FBN2: variants seen among roughly 807,000 people sequenced by gnomAD.
FBN2 encodes fibrillin 2, also known as fibrillin-2.
Under a neutral mutation model 355.6 loss-of-function variants are expected in FBN2, and 105 were observed. The observed-to-expected ratio is 0.30, with a 90% CI of 0.25 to 0.35. The LOEUF (loss-of-function observed/expected upper bound fraction) is 0.35, where lower values mean the gene tolerates loss of function less well. Among genes scored for constraint, FBN2 ranks in the 10% least tolerant of loss-of-function variants. The pLI is 1.00. For synonymous variants in FBN2, 1,350 were observed against 1,301.2 expected (o/e 1.04, Z -0.81); for missense variants, 3,280 against 3,758.7 (o/e 0.87, Z 3.33).
chr5:128,485,925 C>A (rs1387259937), intron 5 of FBN2, among the ~76,000 whole-genome samples: 1 of 152,126 alleles, frequency 6.6e-6, no homozygotes, highest in Non-Finnish European at 1.5e-5. Flanking sequence ...AGATCCCTTT[C>A]TTAATTAAGA....
intron 59 of FBN2, among the ~76,000 whole-genome samples, chr5:128,275,407 A>G (rs1765367358): frequency 6.6e-6 from 1 of 151,336 alleles, no homozygotes; most frequent in African/African-American, 2.4e-5. Context: ...AACAATGTTC[A>G]GTTCACTAAA....
intron 8 of FBN2, among the ~76,000 whole-genome samples, chr5:128,405,300 C>T (rs1424382756): frequency 6.6e-6 from 1 of 152,136 alleles, no homozygotes; most frequent in African/African-American, 2.4e-5. Context: ...AGAGGGGGTA[C>T]TGCTGGCAAA....
At chr5:128,423,790 G>A (rs1158191827) in intron 7 of FBN2, among the ~76,000 whole-genome samples, 3 of 152,174 alleles carry the variant, frequency 2.0e-5, no homozygotes, top group African/African-American at 7.2e-5. Flanking sequence ...TTGTGCTGCA[G>A]TGTGGAGAAA....
chr5:128,503,212 T>G lies in FBN2; in HGVS notation c.628+16061A>C, dbSNP rs1755863024. ...ATGACTTTGATCCTCATTCACCTTCTGCCATGATTATGAGGCCTCCCAGAC... is the reference window on the plus strand; with the variant it reads ...ATGACTTTGATCCTCATTCACCTTCGGCCATGATTATGAGGCCTCCCAGAC... On this transcript the variant is annotated intron_variant, in intron 5 of 64. Transcript: ENST00000262464. Among the ~76,000 whole-genome samples the G allele has an allele frequency of 2.0e-5, 3 of 152,246 alleles. No individual in the cohort carries two copies. The South Asian group carries it at 6.2e-4, about 31-fold the overall frequency.
At position 128,338,120 on chromosome 5, in the gene FBN2, T is replaced by C. The variant is rs765793736; in HGVS notation, c.3475A>G (p.Ile1159Val). 1.2e-6 allele frequency: 2 copies of C among 1,613,954 alleles called. No individual in the cohort carries two copies. The highest frequency in any genetic ancestry group is 8.5e-7 in the Non-Finnish European group (1 of 1,179,876). Residue 1159 changes from isoleucine to valine, a missense_variant and splice_region_variant, in exon 27 of 65, where the codon ATT becomes GTT. Transcript: ENST00000262464. The stretch of plus-strand genomic sequence containing the variant: ...AGAGGGTTACGTTCACATTCGTCAA[T>C]GTCTGAAAGGTAAAAACGTGAGATC... Reference protein sequence around the residue: ...GFMMMKNCMDIDECERNPLLC... With the variant: ...GFMMMKNCMDVDECERNPLLC...
intron 16 of FBN2, among the ~76,000 whole-genome samples, chr5:128,368,918 G>A (rs1751856792): frequency 6.6e-6 from 1 of 151,656 alleles, no homozygotes; most frequent in Admixed American, 6.6e-5. Context: ...CTCCCAAAGT[G>A]CTGGGATTAC....
At chr5:128,496,865 C>T (rs1176184148) in intron 5 of FBN2, among the ~76,000 whole-genome samples, 1 of 151,446 alleles carries the variant, frequency 6.6e-6, no homozygotes, top group Non-Finnish European at 1.5e-5. Flanking sequence ...TTGCAAGATA[C>T]AACATCAATA....
At chr5:128,373,612 A>G (rs562166112) in intron 15 of FBN2, among the ~76,000 whole-genome samples, 2 of 152,338 alleles carry the variant, frequency 1.3e-5, no homozygotes, top group Admixed American at 1.3e-4. Context: ...CATGAAAAAT[A>G]GAGGGTATAC....
intron 6 of FBN2, among the ~76,000 whole-genome samples, chr5:128,461,304 T>A (rs983738384): frequency 6.6e-6 from 1 of 152,150 alleles, no homozygotes; most frequent in Non-Finnish European, 1.5e-5. Flanking sequence ...CACAATGAGA[T>A]ACCATCTCAC....
chr5:128,469,851 C>A (rs1030353763), intron 5 of FBN2, among the ~76,000 whole-genome samples: 1 of 152,160 alleles, frequency 6.6e-6, no homozygotes, highest in African/African-American at 2.4e-5. Context: ...TAATAGAAGA[C>A]AATCAGGATT....
chr5:128,303,033 C>A lies in FBN2; in HGVS notation c.5857G>T (p.Gly1953Ter). The A allele has an allele frequency of 6.2e-7, 1 of 1,613,074 alleles. No homozygotes were observed. The highest frequency in any genetic ancestry group is 8.5e-7 in the Non-Finnish European group (1 of 1,179,176). The change falls in exon 46 of 65, where the codon GGA becomes TGA. Residue 1953 changes from glycine to a stop codon, truncating the protein, a stop_gained. Coordinates refer to ENST00000262464, the MANE Select transcript of FBN2 (RefSeq NM_001999.4). LOFTEE classifies it high-confidence loss of function. ...CGNGTCKNTV[G>*]SYNCLCYPGF... ...GGGTAGCACAGACAGTTATAGGATC[C>A]AACGGTGTTTTTACAAGTTCCATTT...
At position 128,317,697 on chromosome 5, in the gene FBN2, C is replaced by T. The variant is rs573728755; in HGVS notation, c.4717+452G>A. Among the ~76,000 whole-genome samples, 8 of 152,324 alleles carry T rather than the reference C, an allele frequency of 5.3e-5. No individual in the cohort carries two copies. In the South Asian group the frequency reaches 1.4e-3, roughly 28 times the overall value. On this transcript the variant is annotated intron_variant, in intron 36 of 64. Coordinates refer to ENST00000262464, the MANE Select transcript of FBN2 (RefSeq NM_001999.4). ...CTTCATTACGGCCTCCTCCTCCTCC[C>T]TGTCACCTTCCAACTTCTTCTGCTC...
intron 17 of FBN2, chr5:128,365,498 A>G (rs890763786): frequency 6.6e-6 from 1 of 152,060 alleles, no homozygotes; most frequent in Non-Finnish European, 1.5e-5. Flanking sequence ...ATATTTTGGA[A>G]ATGTCTTTCA....
intron 6 of FBN2, among the ~76,000 whole-genome samples, chr5:128,463,929 C>T (rs1340616842): frequency 6.6e-6 from 1 of 152,088 alleles, no homozygotes; most frequent in African/African-American, 2.4e-5. Context: ...GATCTTACTG[C>T]TATGCAATAT....
At chr5:128,463,877 T>C (rs906463121) in intron 6 of FBN2, among the ~76,000 whole-genome samples, 1 of 152,176 alleles carries the variant, frequency 6.6e-6, no homozygotes, top group Non-Finnish European at 1.5e-5. Flanking sequence ...ATGAATAATA[T>C]TATTTATGTG....
chr5:128,485,719 G>C (rs557730257), intron 5 of FBN2, among the ~76,000 whole-genome samples: 6 of 152,240 alleles, frequency 3.9e-5, no homozygotes, highest in Non-Finnish European at 7.4e-5. Context: ...GAATTGAAAA[G>C]AATATAGGGA....
At chr5:128,298,891 C>T (rs1749620588) in intron 48 of FBN2, among the ~76,000 whole-genome samples, 1 of 152,190 alleles carries the variant, frequency 6.6e-6, no homozygotes, top group South Asian at 2.1e-4. Flanking sequence ...GAACTGCGTT[C>T]CTTTGGAGGA....
chr5:128,437,730 G>A (rs1753805193), intron 7 of FBN2, among the ~76,000 whole-genome samples: 1 of 151,996 alleles, frequency 6.6e-6, no homozygotes. Context: ...CATATAGAGA[G>A]AGTAGTCTAG....
chr5:128,334,680 G>A, intron 31 of FBN2, 39 bp downstream of exon 31: 1 of 1,612,354 alleles, frequency 6.2e-7, no homozygotes, highest in Non-Finnish European at 8.5e-7. Flanking sequence ...TTTGACATCT[G>A]AGAAGTTGAA....
Sources: gnomAD v4.1 joint callset for allele counts (sites outside exome capture counted in the v4.1 genomes callset) on GRCh38, gnomAD v4.1.1 for gene constraint, MANE v1.5 for transcripts, NCBI Gene and HGNC (gene_info 2026-07-23, HGNC 2026-07-21) for gene names.